The following DENND2A variants were observed in gnomAD, a reference collection of about 807,000 sequenced individuals.
DENND2A encodes the protein DENN domain-containing protein 2A.
In DENND2A, 53 loss-of-function variants were observed where a neutral mutation model predicts 105.3. That is an observed-to-expected ratio of 0.50 (90% CI 0.40 to 0.63). The LOEUF (loss-of-function observed/expected upper bound fraction) is 0.63. Ranked by LOEUF, DENND2A falls within the 30% of genes least tolerant of loss-of-function variation. The pLI is 0.00. For synonymous variants in DENND2A, 522 were observed against 508.4 expected, an observed-to-expected ratio of 1.03 and a Z score of -0.36; for missense variants, 1,138 against 1,279.6, an observed-to-expected ratio of 0.89 and a Z score of 1.69.
intron 1 of DENND2A, among the ~76,000 whole-genome samples, chr7:140,611,475 C>A (rs1799896519): frequency 6.6e-6 from 1 of 152,128 alleles, no homozygotes; most frequent in Non-Finnish European, 1.5e-5. Flanking sequence ...GAGGTTGAGG[C>A]TGCAGCGAGC....
In DENND2A at chr7:140,601,570, G is replaced by C; in HGVS notation, c.828C>G (p.Ala276=). Residue 276 remains alanine, a synonymous_variant, in exon 3 of 20, where the codon GCC becomes GCG. Transcript: ENST00000496613. Reference sequence around the variant, plus strand: ...GCTTCCCATCTTTGTCCCCTTCTCCGGCATGTTTGAACGTTCTCCGGGGTT... The same window carrying C: ...GCTTCCCATCTTTGTCCCCTTCTCCCGCATGTTTGAACGTTCTCCGGGGTT... ...LPKPRRTFKH[A]GEGDKDGKPG... is the part of the protein sequence containing the mutation. 6.2e-7 allele frequency: 1 copy of C among 1,614,112 alleles called. No homozygotes were observed. Among genetic ancestry groups the C allele is most frequent in the Non-Finnish European group, 8.5e-7 (1 of 1,180,002 alleles).
chr7:140,569,170 G>A (rs764867825), intron 7 of DENND2A, among the ~76,000 whole-genome samples: 14 of 152,158 alleles, frequency 9.2e-5, no homozygotes, highest in Non-Finnish European at 1.6e-4. Flanking sequence ...AGGTAGATCC[G>A]CCTGTCTCAG....
At chr7:140,550,695 T>C (rs1159545984) in intron 12 of DENND2A, among the ~76,000 whole-genome samples, 1 of 151,640 alleles carries the variant, frequency 6.6e-6, no homozygotes, top group Non-Finnish European at 1.5e-5. Flanking sequence ...CTAATGACCT[T>C]AGGTGATCCA....
chr7:140,593,694 T>G (rs1223792652), intron 3 of DENND2A, among the ~76,000 whole-genome samples: 1 of 152,136 alleles, frequency 6.6e-6, no homozygotes, highest in Non-Finnish European at 1.5e-5. Flanking sequence ...TCCCTCCCAC[T>G]TACTGCCTAC....
At chr7:140,577,124 T>C (rs965982492) in intron 5 of DENND2A, among the ~76,000 whole-genome samples, 1 of 152,160 alleles carries the variant, frequency 6.6e-6, no homozygotes, top group African/African-American at 2.4e-5. Context: ...CACCAAATGT[T>C]CAGGGAGCTT....
At chr7:140,574,569 G>A (rs545049729) in intron 5 of DENND2A, among the ~76,000 whole-genome samples, 16 of 152,272 alleles carry the variant, frequency 1.1e-4, no homozygotes, top group Admixed American at 6.5e-4. Context: ...ATCCCAAGAC[G>A]TTACAGCTGA....
intron 9 of DENND2A, among the ~76,000 whole-genome samples, chr7:140,560,686 C>T (rs999741617): frequency 6.6e-6 from 1 of 151,148 alleles, no homozygotes; most frequent in Non-Finnish European, 1.5e-5. Context: ...AATCCCAGCA[C>T]TTTGGGAAGC....
At chr7:140,589,766 C>A (rs1033040895) in intron 3 of DENND2A, among the ~76,000 whole-genome samples, 1 of 152,178 alleles carries the variant, frequency 6.6e-6, no homozygotes, top group African/African-American at 2.4e-5. Context: ...GTAGCTGAGA[C>A]TGCAGTTGCA....
intron 13 of DENND2A, 34 bp from the exon 14 acceptor site, chr7:140,544,800 G>A (rs1319979351): frequency 1.3e-6 from 2 of 1,553,200 alleles, no homozygotes; most frequent in Non-Finnish European, 8.7e-7. Flanking sequence ...TGAAGGAGGG[G>A]CCCAGCTACG....
chr7:140,574,047 A>T, intron 5 of DENND2A, 39 bp from the exon 6 acceptor site: 1 of 1,609,960 alleles, frequency 6.2e-7, no homozygotes, highest in Non-Finnish European at 8.5e-7. Flanking sequence ...AAATGAATTC[A>T]AAGGAGACTG....
At chr7:140,594,470 C>G (rs748911081) in intron 3 of DENND2A, among the ~76,000 whole-genome samples, 1 of 152,130 alleles carries the variant, frequency 6.6e-6, no homozygotes, top group Admixed American at 6.5e-5. Context: ...CTGGCCCGAG[C>G]GTCACTTCCT....
chr7:140,557,533 T>TATATATATATATATA (rs1563139334), intron 11 of DENND2A, among the ~76,000 whole-genome samples: 2 of 14,000 alleles, frequency 1.4e-4, no homozygotes, highest in Non-Finnish European at 2.8e-4. Flanking sequence ...ATATATATAT[T>TATATATATATATATA]TTTTTTTTTT....
At position 140,559,239 on chromosome 7, in the gene DENND2A, C is replaced by T. The variant is rs1797514581; in HGVS notation, c.1889+469G>A. On this transcript the variant is annotated intron_variant, in intron 10 of 19. Transcript: ENST00000496613. This position sits in a 1 kb window ranked among gnomAD's most constrained non-coding sequence, Gnocchi z 4.1. ...GGTCCTTAAAGACTGCTGAGCCACCCTCAAGGAACGCGGTACCCCTTAAAG... is the reference window on the plus strand; with the variant it reads ...GGTCCTTAAAGACTGCTGAGCCACCTTCAAGGAACGCGGTACCCCTTAAAG... Among the ~76,000 whole-genome samples the T allele has an allele frequency of 6.6e-6, 1 of 152,192 alleles. No individual in the cohort carries two copies. Among genetic ancestry groups the T allele is most frequent in the Non-Finnish European group, 1.5e-5 (1 of 68,034 alleles).
Position 140,639,212 on chromosome 7 carries a change from T to G in DENND2A, c.-248+1292A>C, listed in dbSNP as rs269246. Among the ~76,000 whole-genome samples, 24 of 151,640 alleles carry G rather than the reference T, an allele frequency of 1.6e-4. 1 individual carries two copies. Among genetic ancestry groups the G allele is most frequent in the African/African-American group, 4.6e-4 (19 of 41,290 alleles). On this transcript the variant is annotated intron_variant, in intron 1 of 19. Transcript: ENST00000496613. ...ACTAAAAATACAAAAATTAGCTGGGTGTGGTGGTGGGCGCCTGTAATCCCA... is the reference window on the plus strand; with the variant it reads ...ACTAAAAATACAAAAATTAGCTGGGGGTGGTGGTGGGCGCCTGTAATCCCA...
chr7:140,628,334 G>A (rs1206412507), intron 1 of DENND2A, among the ~76,000 whole-genome samples: 4 of 152,164 alleles, frequency 2.6e-5, no homozygotes, highest in Admixed American at 6.5e-5. Flanking sequence ...CACTGGCTAT[G>A]GTGCCAACTG....
chr7:140,572,646 CG>C (rs1329144204), intron 6 of DENND2A, among the ~76,000 whole-genome samples: 1 of 148,724 alleles, frequency 6.7e-6, no homozygotes, highest in Non-Finnish European at 1.5e-5. Flanking sequence ...CCCAGCTACT[CG>C]GGAGGCTGAG....
At chr7:140,581,109 C>A (rs978479745) in intron 5 of DENND2A, among the ~76,000 whole-genome samples, 1 of 151,666 alleles carries the variant, frequency 6.6e-6, no homozygotes, top group Non-Finnish European at 1.5e-5. Flanking sequence ...CTAAAAATAC[C>A]CAAAAAATTA....
chr7:140,595,847 C>T (rs1385844868), intron 3 of DENND2A, among the ~76,000 whole-genome samples: 2 of 152,104 alleles, frequency 1.3e-5, no homozygotes, highest in African/African-American at 4.8e-5. Context: ...TCAAGGATGC[C>T]ACGCGCTGAC....
At chr7:140,630,595 A>C (rs1445651504) in intron 1 of DENND2A, among the ~76,000 whole-genome samples, 1 of 152,188 alleles carries the variant, frequency 6.6e-6, no homozygotes, top group African/African-American at 2.4e-5. Context: ...CTGTAATCCT[A>C]GCACTTTGGG....
Sources: gnomAD v4.1 joint callset for allele counts (sites outside exome capture counted in the v4.1 genomes callset) on GRCh38, gnomAD v4.1.1 for gene constraint, Gnocchi (gnomAD v3.1) non-coding constraint, MANE v1.5 for transcripts, NCBI Gene and HGNC (gene_info 2026-07-23, HGNC 2026-07-21) for gene names.